The following KMT2C variants were observed in gnomAD, a reference collection of about 807,000 sequenced individuals.
KMT2C encodes the protein histone-lysine N-methyltransferase 2C.
Under a neutral mutation model 507.9 loss-of-function variants are expected in KMT2C, and 88 were observed. The observed-to-expected ratio is 0.17, with a 90% CI of 0.15 to 0.21. The LOEUF is 0.21. KMT2C is among the 10% of genes least tolerant of loss of function. The probability of loss-of-function intolerance (pLI) is 1.00; values close to 1 mark genes in which losing one functional copy is unlikely to be tolerated. For synonymous variants in KMT2C, 2,049 were observed against 2,080.8 expected, an observed-to-expected ratio of 0.98 and a Z score of 0.42; for missense variants, 4,954 against 5,957.8, an observed-to-expected ratio of 0.83 and a Z score of 5.55.
chr7:152,294,584 G>A (rs1456169381), intron 6 of KMT2C, among the ~76,000 whole-genome samples: 1 of 150,792 alleles, frequency 6.6e-6, no homozygotes, highest in African/African-American at 2.4e-5. Context: ...TTACATGTGT[G>A]AATAGCCACT....
chr7:152,296,991 GAA>G (rs1563765551), intron 6 of KMT2C, among the ~76,000 whole-genome samples: 1 of 95,622 alleles, frequency 1.0e-5, no homozygotes, highest in African/African-American at 3.7e-5. Flanking sequence ...AAGAAAGAAA[GAA>G]AGAAAAAGAA....
intron 2 of KMT2C, among the ~76,000 whole-genome samples, chr7:152,355,059 A>AG (rs1375463232): frequency 6.6e-6 from 1 of 152,198 alleles, no homozygotes; most frequent in African/African-American, 2.4e-5. Context: ...ATAGCAGTGG[A>AG]GGGGTCAAAG....
chr7:152,145,574 T>TAC (rs1260248144), intron 53 of KMT2C, among the ~76,000 whole-genome samples: 1 of 152,186 alleles, frequency 6.6e-6, no homozygotes, highest in Admixed American at 6.5e-5. Flanking sequence ...CTGACCAATA[T>TAC]ACACGCTTGT....
intron 2 of KMT2C, among the ~76,000 whole-genome samples, chr7:152,344,383 C>T (rs2097031358): frequency 6.6e-6 from 1 of 152,180 alleles, no homozygotes; most frequent in Non-Finnish European, 1.5e-5. Context: ...AGATGATTCA[C>T]ATCTCAGGCT....
intron 6 of KMT2C, among the ~76,000 whole-genome samples, chr7:152,299,023 A>T (rs761914905): frequency 6.6e-6 from 1 of 152,208 alleles, no homozygotes; most frequent in Non-Finnish European, 1.5e-5. Context: ...AACTGGAATC[A>T]TAATAAATAA....
At chr7:152,389,251 G>C (rs1429305180) in intron 1 of KMT2C, among the ~76,000 whole-genome samples, 1 of 151,202 alleles carries the variant, frequency 6.6e-6, no homozygotes, top group Non-Finnish European at 1.5e-5. Flanking sequence ...GGAAGTCCCA[G>C]CTACTCGGGA....
At chr7:152,231,520 C>A (rs1355114725) in intron 16 of KMT2C, among the ~76,000 whole-genome samples, 1 of 152,284 alleles carries the variant, frequency 6.6e-6, no homozygotes, top group Non-Finnish European at 1.5e-5. Flanking sequence ...GTGGCTCATG[C>A]CTATAATCTT....
intron 6 of KMT2C, among the ~76,000 whole-genome samples, chr7:152,293,852 TC>T (rs1383985356): frequency 6.6e-6 from 1 of 152,108 alleles, no homozygotes; most frequent in African/African-American, 2.4e-5. Context: ...ACATATTCAT[TC>T]ATTCCCTCAT....
At chr7:152,344,052 T>C (rs1003901586) in intron 2 of KMT2C, among the ~76,000 whole-genome samples, 5 of 152,180 alleles carry the variant, frequency 3.3e-5, no homozygotes, top group Admixed American at 3.3e-4. Context: ...CAAAATAATA[T>C]CTGCAACAAT....
At chr7:152,423,372 T>C (rs950684461) in intron 1 of KMT2C, among the ~76,000 whole-genome samples, 2 of 152,194 alleles carry the variant, frequency 1.3e-5, no homozygotes, top group South Asian at 4.1e-4. Context: ...CCAGCCTCCC[T>C]TGCAGCTACA....
At chr7:152,420,770 G>A (rs1394391029) in intron 1 of KMT2C, among the ~76,000 whole-genome samples, 1 of 151,978 alleles carries the variant, frequency 6.6e-6, no homozygotes, top group Non-Finnish European at 1.5e-5. Context: ...GGGAGGCACA[G>A]GTTGCAGTGA....
At chr7:152,236,094 C>T (rs1314061153) in intron 15 of KMT2C, among the ~76,000 whole-genome samples, 161 bp from the exon 16 acceptor site, 2 of 152,210 alleles carry the variant, frequency 1.3e-5, no homozygotes, top group Non-Finnish European at 2.9e-5. Flanking sequence ...TAAACGTATA[C>T]TCCACAACTT....
rs770236692 is a variant in KMT2C at position 152,248,274 on chromosome 7, T to C, written c.2160A>G (p.Leu720=). The change falls in exon 14 of 59, where the codon CTA becomes CTG. Residue 720 remains leucine, a synonymous_variant. Transcript: ENST00000262189. ...TTTCTTTCTGTTCCTTTTCTCCTTG[T>C]AGCCTTTCTATAACCAACTGTTCCT... is the stretch of plus-strand genomic sequence containing the variant. ...CPEEQLVIER[L]QGEKEQKENS... The C allele has an allele frequency of 3.7e-6, 6 of 1,613,794 alleles. No homozygotes were observed. The highest frequency in any genetic ancestry group is 2.7e-5 in the African/African-American group (2 of 74,936).
chr7:152,210,081 T>C (rs183101310), intron 23 of KMT2C, among the ~76,000 whole-genome samples: 45 of 152,240 alleles, frequency 3.0e-4, no homozygotes, highest in African/African-American at 1.1e-3. Flanking sequence ...AATATGGGCA[T>C]ACTAAATGTG....
intron 1 of KMT2C, among the ~76,000 whole-genome samples, chr7:152,427,025 T>A (rs555898432): frequency 6.6e-6 from 1 of 150,728 alleles, no homozygotes; most frequent in East Asian, 1.9e-4. Flanking sequence ...TTTGTTTTGT[T>A]TTGTTTTTGA....
chr7:152,163,028 G>A lies in KMT2C; in HGVS notation c.10549C>T (p.Pro3517Ser). 1 of 1,614,206 alleles carries A rather than the reference G, an allele frequency of 6.2e-7. No homozygotes were observed. The highest frequency in any genetic ancestry group is 2.2e-5 in the East Asian group (1 of 44,878). Residue 3517 changes from proline to serine, a missense_variant, in exon 43 of 59, where the codon CCT (proline) becomes TCT (serine). Pro to Ser is a moderately conservative substitution (Grantham distance 74). This residue lies in a region of KMT2C where 801 missense variants were observed against 751.2 expected (regional missense o/e 1.07). Transcript: ENST00000262189. Reference protein sequence around the residue: ...RRQVGPPSFVPDSPSIPVGSP... With the variant: ...RRQVGPPSFVSDSPSIPVGSP... ...CCAACAGGGATTGATGGTGAATCAG[G>A]AACAAATGAAGGAGGGCCTACCTGC... is the stretch of plus-strand genomic sequence containing the variant.
At position 152,236,244 on chromosome 7, in the gene KMT2C, C is replaced by A. The variant is rs563121252; in HGVS notation, c.2653-311G>T. Among the ~76,000 whole-genome samples the A allele has an allele frequency of 1.2e-4, 19 of 152,368 alleles. No individual in the cohort carries two copies. The South Asian group carries it at 2.1e-3, about 17-fold the overall frequency. On this transcript the variant is annotated intron_variant, in intron 15 of 58. Transcript: ENST00000262189. ...GTGACGACAACAACTATAGCCTGATCCAGATATTTCGAAGTGCAACAAATT... is the reference window on the plus strand; with the variant it reads ...GTGACGACAACAACTATAGCCTGATACAGATATTTCGAAGTGCAACAAATT...
rs766537032 is a variant in KMT2C, at chr7:152,187,847, T to A, written c.4661A>T (p.Asp1554Val). 6.2e-7 allele frequency: 1 copy of A among 1,612,314 alleles called. No homozygotes were observed. Among genetic ancestry groups the A allele is most frequent in the South Asian group, 1.1e-5 (1 of 90,456 alleles). ...PTQLLPIHNQ[D>V]AFSRMPLMNG... is the part of the protein sequence containing the mutation. ...CATGAGAGGCATCCGTGAAAAAGCA[T>A]CTTCAGAGAAAAAAATAATTCCGTT... is the stretch of plus-strand genomic sequence containing the variant. The change falls in exon 32 of 59, where the codon GAT becomes GTT. Residue 1554 changes from aspartate (D) to valine (V), a missense_variant and splice_region_variant. Physicochemically the swap from Asp to Val is radical, Grantham distance 152 (BLOSUM62 -3). Transcript: ENST00000262189.
Position 152,181,082 on chromosome 7 carries a change from C to T in KMT2C, c.6778G>A (p.Ala2260Thr), listed in dbSNP as rs1321277498. 22 of 1,614,026 alleles carry T rather than the reference C, an allele frequency of 1.4e-5. No individual in the cohort carries two copies. The highest frequency in any genetic ancestry group is 1.9e-5 in the Non-Finnish European group (22 of 1,180,042). Residue 2260 changes from alanine to threonine, a missense_variant, in exon 36 of 59, where the codon GCT becomes ACT. This residue lies in a region of KMT2C where 1,689 missense variants were observed against 1,654.3 expected (regional missense o/e 1.02). Transcript: ENST00000262189. ...GGCCTTACCAACGGGCCAGGTAAAG[C>T]TGGTCCTCGGTTTTGTGCTGCTTGC... is the stretch of plus-strand genomic sequence containing the variant. ...FLQAAQNRGPALPGPLVRPPD... is the reference protein window; with the variant it reads ...FLQAAQNRGPTLPGPLVRPPD...
Sources: allele counts gnomAD v4.1 joint callset (sites outside exome capture counted in the v4.1 genomes callset), GRCh38; gene constraint gnomAD v4.1.1; regional missense constraint gnomAD v4.1.1; transcripts MANE v1.5; gene names NCBI Gene and HGNC (gene_info 2026-07-23, HGNC 2026-07-21).